Variants in SEPTIN2 observed in about 807,000 individuals in gnomAD.
SEPTIN2 encodes septin 2, also known as septin-2.
In SEPTIN2, 34 loss-of-function variants were observed where a neutral mutation model predicts 46.5. The observed-to-expected ratio is 0.73, with a 90% confidence interval of 0.56 to 0.97. The LOEUF (loss-of-function observed/expected upper bound fraction) is 0.97. SEPTIN2 is among the 50% of genes least tolerant of loss of function. The pLI is 0.00. For missense variants in SEPTIN2, 347 were observed against 448.4 expected, an observed-to-expected ratio of 0.77 and a Z score of 2.04; for synonymous variants, 175 against 153.4, an observed-to-expected ratio of 1.14 and a Z score of -1.04.
intron 3 of SEPTIN2, among the ~76,000 whole-genome samples, chr2:241,333,931 A>G (rs897468794): frequency 2.6e-5 from 4 of 152,068 alleles, no homozygotes; most frequent in Non-Finnish European, 5.9e-5. Flanking sequence ...GCCTGCTGTA[A>G]TCTCTAACTC....
chr2:241,325,827 A>C, intron 2 of SEPTIN2, 166 bp from the exon 3 acceptor site: 1 of 541,836 alleles, frequency 1.8e-6, no homozygotes, highest in Non-Finnish European at 3.1e-6. Flanking sequence ...CTCCTAGTTG[A>C]ATACTACTGG....
intron 3 of SEPTIN2, among the ~76,000 whole-genome samples, chr2:241,330,908 A>G (rs771569902): frequency 2.0e-5 from 3 of 152,190 alleles, no homozygotes; most frequent in South Asian, 2.1e-4. Flanking sequence ...AGTGGCTAAC[A>G]CCTGTAATCC....
Position 241,343,897 on chromosome 2 carries a change from T to C in SEPTIN2, c.842T>C (p.Ile281Thr). Residue 281 changes from isoleucine to threonine, a missense_variant and splice_region_variant, in exon 9 of 13, where the codon ATC becomes ACC. Physicochemically the swap from Ile to Thr is moderately conservative, Grantham distance 89. Coordinates refer to ENST00000391971, the MANE Select transcript of SEPTIN2 (RefSeq NM_004404.5). ...TTTCTGAAGCTGAGAACCATGCTCA[T>C]GTAAGACATTTGGTGTGTTCCTTCT... is the stretch of plus-strand genomic sequence containing the variant. ...NDFLKLRTML[I>T]THMQDLQEVT... The C allele has an allele frequency of 6.2e-7, 1 of 1,614,172 alleles. No individual in the cohort carries two copies. The highest frequency in any genetic ancestry group is 8.5e-7 in the Non-Finnish European group (1 of 1,179,992).
Position 241,326,003 on chromosome 2 carries a change from C to A in SEPTIN2, c.20C>A (p.Thr7Asn), listed in dbSNP as rs374059214. The A allele has an allele frequency of 2.9e-5, 46 of 1,612,422 alleles. 1 individual carries two copies. In the Middle Eastern group the frequency reaches 4.9e-4, roughly 17 times the overall value. Residue 7 changes from threonine to asparagine, a missense_variant, in exon 3 of 13, where the codon ACT becomes AAT. By Grantham distance (65) the Thr-to-Asn change is moderately conservative. Coordinates refer to ENST00000391971, the MANE Select transcript of SEPTIN2 (RefSeq NM_004404.5). MSKQQP[T>N]QFINPETPGY... Reference sequence around the variant, plus strand: ...TTTAATCTTATTTAGCAACAGCCAACTCAGTTTATAAATCCAGAAACACCT... The same window carrying A: ...TTTAATCTTATTTAGCAACAGCCAAATCAGTTTATAAATCCAGAAACACCT...
intron 5 of SEPTIN2, chr2:241,337,098 A>G: frequency 3.5e-6 from 1 of 282,750 alleles, no homozygotes; most frequent in Non-Finnish European, 6.6e-6. Flanking sequence ...AGTCTCAAAA[A>G]AAAAAAGAAC....
At chr2:241,338,724 TTA>T (rs1229170159) in intron 7 of SEPTIN2, among the ~76,000 whole-genome samples, 16 of 104,078 alleles carry the variant, frequency 1.5e-4, no homozygotes, top group East Asian at 1.4e-3. Context: ...ATATAATATA[TTA>T]TATATATTAT....
chr2:241,352,595 G>T lies in SEPTIN2; in HGVS notation c.*658G>T, dbSNP rs553361515. On this transcript the variant is annotated 3_prime_UTR_variant, in exon 13 of 13. Transcript: ENST00000391971. ...ATACTTAAACAGCTTTTTTAGAGGT[G>T]AGTTTTAAAGAAGTCTCTTAATTCT... 6.6e-6 allele frequency: 1 copy of T among 152,550 alleles called. No homozygotes were observed. The highest frequency in any genetic ancestry group is 2.1e-4 in the South Asian group (1 of 4,820). 9.4% of individuals were successfully genotyped at this position (152,550 alleles called of 1,614,324 possible).
At chr2:241,324,266 C>A in intron 2 of SEPTIN2, 25 bp downstream of exon 2, 1 of 1,594,806 alleles carries the variant, frequency 6.3e-7, no homozygotes, top group Non-Finnish European at 8.6e-7. Context: ...CATGTATCTA[C>A]AGCATAAGGA....
intron 1 of SEPTIN2, among the ~76,000 whole-genome samples, chr2:241,322,713 T>C (rs946022084): frequency 4.6e-5 from 7 of 152,190 alleles, no homozygotes; most frequent in African/African-American, 1.7e-4. Context: ...TCCTCATAAA[T>C]GTAGTTCACA....
At chr2:241,335,082 T>G in intron 3 of SEPTIN2, 44 bp from the exon 4 acceptor site, 2 of 1,343,372 alleles carry the variant, frequency 1.5e-6, no homozygotes. Context: ...TTGAATGGTG[T>G]CATATGAATA....
chr2:241,337,933 T>G, intron 7 of SEPTIN2, 143 bp downstream of exon 7: 1 of 559,378 alleles, frequency 1.8e-6, no homozygotes, highest in Non-Finnish European at 3.2e-6. Flanking sequence ...AGTGGTGGTT[T>G]TCAAGGAGAA....
chr2:241,316,347 C>A (rs1294403589), intron 1 of SEPTIN2: 5 of 519,658 alleles, frequency 9.6e-6, no homozygotes, highest in Non-Finnish European at 1.3e-5. Flanking sequence ...AGGGAGGATA[C>A]AGGTTTAGGC....
chr2:241,349,775 T>A (rs371558806), intron 11 of SEPTIN2, among the ~76,000 whole-genome samples: 1 of 152,102 alleles, frequency 6.6e-6, no homozygotes, highest in Admixed American at 6.6e-5. Flanking sequence ...GAGCCGAGAT[T>A]GCGCCACTGC....
intron 1 of SEPTIN2, among the ~76,000 whole-genome samples, chr2:241,322,831 T>C (rs891127938): frequency 6.6e-6 from 1 of 152,112 alleles, no homozygotes; most frequent in African/African-American, 2.4e-5. Flanking sequence ...TGAAGTCCCT[T>C]ACTCCTTGAA....
chr2:241,352,223 G>T lies in SEPTIN2; in HGVS notation c.*286G>T, dbSNP rs1204594451. 1.3e-5 allele frequency: 2 copies of T among 152,616 alleles called. No individual in the cohort carries two copies. The highest frequency in any genetic ancestry group is 6.5e-5 in the Admixed American group (1 of 15,286). 9.5% of individuals were successfully genotyped at this position (152,616 alleles called of 1,614,324 possible). On this transcript the variant is annotated 3_prime_UTR_variant, in exon 13 of 13. Coordinates refer to ENST00000391971, the MANE Select transcript of SEPTIN2 (RefSeq NM_004404.5). ...CACTAATGTTAGAATTGATTTCCAAGAATCGGCATGTATACTTAATACTGA... is the reference window on the plus strand; with the variant it reads ...CACTAATGTTAGAATTGATTTCCAATAATCGGCATGTATACTTAATACTGA...
intron 3 of SEPTIN2, among the ~76,000 whole-genome samples, 199 bp from the exon 4 acceptor site, chr2:241,334,927 T>C (rs2079673811): frequency 6.6e-6 from 1 of 152,236 alleles, no homozygotes; most frequent in Non-Finnish European, 1.5e-5. Context: ...CTCTGGATAG[T>C]ACTCTGACCT....
At chr2:241,338,927 A>G (rs1274721848) in intron 7 of SEPTIN2, among the ~76,000 whole-genome samples, 3 of 100,172 alleles carry the variant, frequency 3.0e-5, no homozygotes, top group Admixed American at 1.6e-4. Flanking sequence ...ATAATTGTAC[A>G]TATATTTATT....
rs535666334 is a variant in SEPTIN2, at chr2:241,319,065, A to G, written c.-18+3083A>G. Among the ~76,000 whole-genome samples, 8 of 152,208 alleles carry G rather than the reference A, an allele frequency of 5.3e-5. No homozygotes were observed. The South Asian group carries it at 8.3e-4, about 16-fold the overall frequency. ...TGTTTTCTTTTGATTTTCTTGTTTC[A>G]TTATATTCAGTAAACTCACCAAGGT... On this transcript the variant is annotated intron_variant, in intron 1 of 12. Transcript: ENST00000391971.
chr2:241,349,589 G>C (rs1402042514), intron 11 of SEPTIN2, among the ~76,000 whole-genome samples: 5 of 152,018 alleles, frequency 3.3e-5, no homozygotes, highest in Non-Finnish European at 7.4e-5. Flanking sequence ...TTGGGAGGCG[G>C]AGGCGGGTGG....
Sources: allele counts gnomAD v4.1 joint callset (sites outside exome capture counted in the v4.1 genomes callset), GRCh38; gene constraint gnomAD v4.1.1; transcripts MANE v1.5; gene names NCBI Gene and HGNC (gene_info 2026-07-23, HGNC 2026-07-21).